FGF14: variants seen among roughly 807,000 people sequenced by gnomAD.
FGF14 encodes fibroblast growth factor 14, also known as fibroblast growth factor homologous factor 4.
A neutral mutation model predicts 25.5 loss-of-function variants in FGF14; 5 were observed. The observed-to-expected ratio is 0.20, with a 90% CI of 0.10 to 0.41. FGF14 has a LOEUF of 0.41. Among genes scored for constraint, FGF14 ranks in the 10% least tolerant of loss-of-function variants. The pLI is 1.00. For synonymous variants in FGF14, 138 were observed against 118.3 expected, an observed-to-expected ratio of 1.17 and a Z score of -1.08; for missense variants, 222 against 320.1, an observed-to-expected ratio of 0.69 and a Z score of 2.34.
At chr13:102,348,657 A>G (rs758854519) in intron 1 of FGF14, among the ~76,000 whole-genome samples, 1 of 152,214 alleles carries the variant, frequency 6.6e-6, no homozygotes, top group African/African-American at 2.4e-5. Flanking sequence ...TTTGCAATGC[A>G]TCAGCATCAC....
chr13:101,777,748 G>A (rs956387884), intron 3 of FGF14, among the ~76,000 whole-genome samples: 1 of 152,164 alleles, frequency 6.6e-6, no homozygotes, highest in African/African-American at 2.4e-5. Context: ...GATCACCCGA[G>A]GTCAGGAGTT....
intron 1 of FGF14, among the ~76,000 whole-genome samples, chr13:102,360,534 C>T (rs2139035079): frequency 6.6e-6 from 1 of 151,998 alleles, no homozygotes; most frequent in Admixed American, 6.6e-5. Context: ...AAATAGTATC[C>T]CATGCAGTAC....
At chr13:102,288,527 AT>A (rs1454118067) in intron 1 of FGF14, among the ~76,000 whole-genome samples, 3 of 151,974 alleles carry the variant, frequency 2.0e-5, no homozygotes, top group African/African-American at 7.2e-5. Flanking sequence ...CATTTCCTAT[AT>A]TTTTATATAT....
intron 3 of FGF14, among the ~76,000 whole-genome samples, chr13:101,820,769 CACCACACACCACACACACA>C (rs1217564835): frequency 1.3e-5 from 1 of 76,792 alleles, no homozygotes. Context: ...TACACACACA[CACCACACACCACACACACA>C]CACACACACA....
intron 1 of FGF14, among the ~76,000 whole-genome samples, chr13:101,937,807 C>T (rs1023045753): frequency 6.6e-6 from 1 of 152,224 alleles, no homozygotes; most frequent in Non-Finnish European, 1.5e-5. Flanking sequence ...ACCATGTTGG[C>T]CAGGCTGGTC....
intron 1 of FGF14, among the ~76,000 whole-genome samples, chr13:101,899,118 G>A (rs1365661791): frequency 7.9e-5 from 12 of 151,972 alleles, no homozygotes; most frequent in Non-Finnish European, 1.5e-4. Flanking sequence ...AAATAGACAA[G>A]CTAGCACACA....
At chr13:101,847,508 T>C (rs1208352595) in intron 3 of FGF14, among the ~76,000 whole-genome samples, 1 of 152,152 alleles carries the variant, frequency 6.6e-6, no homozygotes, top group East Asian at 1.9e-4. Context: ...CATCTTTCTT[T>C]TTGTTATGAA....
chr13:101,955,282 T>G (rs2036443088), intron 1 of FGF14, among the ~76,000 whole-genome samples: 1 of 152,168 alleles, frequency 6.6e-6, no homozygotes, highest in Non-Finnish European at 1.5e-5. Context: ...GCAATTTCCT[T>G]TAAATCGTTC....
intron 1 of FGF14, among the ~76,000 whole-genome samples, chr13:101,969,297 C>T (rs1037802581): frequency 2.6e-5 from 4 of 152,210 alleles, no homozygotes; most frequent in Admixed American, 6.5e-5. Flanking sequence ...GGTGCAGTGG[C>T]TCACGCCTGT....
rs576655652 is a variant in FGF14, at chr13:101,851,178, T to C, written c.408+17547A>G. Among the ~76,000 whole-genome samples, 4 of 152,046 alleles carry C rather than the reference T, an allele frequency of 2.6e-5. No homozygotes were observed. The South Asian group carries it at 8.3e-4, about 32-fold the overall frequency. On this transcript the variant is annotated intron_variant, in intron 3 of 4. Coordinates refer to ENST00000376143, the MANE Select transcript of FGF14 (RefSeq NM_004115.4). Reference sequence around the variant, plus strand: ...TAATCCAATATGTCTGGTGTCTTTATAAAGAGGGACAATGAACACAGAGAC... The same window carrying C: ...TAATCCAATATGTCTGGTGTCTTTACAAAGAGGGACAATGAACACAGAGAC...
At chr13:101,946,809 G>C (rs1487922279) in intron 1 of FGF14, among the ~76,000 whole-genome samples, 2 of 152,220 alleles carry the variant, frequency 1.3e-5, no homozygotes, top group Non-Finnish European at 2.9e-5. Flanking sequence ...GATTACATTA[G>C]ATAAATTCAA....
intron 3 of FGF14, among the ~76,000 whole-genome samples, chr13:101,731,155 A>G (rs895811742): frequency 6.6e-6 from 1 of 152,200 alleles, no homozygotes; most frequent in Admixed American, 6.5e-5. Context: ...TTGCTTCTCA[A>G]GGCAGTCCTA....
intron 1 of FGF14, among the ~76,000 whole-genome samples, chr13:101,975,523 A>T (rs760618712): frequency 6.6e-6 from 1 of 152,166 alleles, no homozygotes. Context: ...ATGACATTGC[A>T]ACTCCCTCTG....
intron 1 of FGF14, among the ~76,000 whole-genome samples, chr13:102,125,351 A>G (rs1202763917): frequency 6.6e-6 from 1 of 152,208 alleles, no homozygotes; most frequent in Admixed American, 6.5e-5. Flanking sequence ...AAACATAGAA[A>G]ACCGTAAGAG....
chr13:102,303,188 G>A (rs1331720553), intron 1 of FGF14, among the ~76,000 whole-genome samples: 2 of 152,084 alleles, frequency 1.3e-5, no homozygotes, highest in African/African-American at 4.8e-5. Flanking sequence ...GTGTTCCCCA[G>A]ACACCTGTAT....
At chr13:101,864,371 G>A (rs751466508) in intron 3 of FGF14, among the ~76,000 whole-genome samples, 1 of 152,076 alleles carries the variant, frequency 6.6e-6, no homozygotes, top group African/African-American at 2.4e-5. Flanking sequence ...TTGGTCTAAC[G>A]TTATCACCGT....
intron 1 of FGF14, among the ~76,000 whole-genome samples, chr13:102,198,375 AAC>A (rs1383906813): frequency 3.3e-5 from 5 of 152,224 alleles, no homozygotes; most frequent in African/African-American, 1.2e-4. Context: ...TGCCAAATAT[AAC>A]ACATTAATTT....
At chr13:101,771,010 A>C (rs1249887961) in intron 3 of FGF14, among the ~76,000 whole-genome samples, 2 of 152,112 alleles carry the variant, frequency 1.3e-5, no homozygotes, top group Admixed American at 1.3e-4. Flanking sequence ...ACTATACTAA[A>C]TTAAATTAAA....
At chr13:102,348,833 C>A (rs1450302726) in intron 1 of FGF14, among the ~76,000 whole-genome samples, 1 of 152,176 alleles carries the variant, frequency 6.6e-6, no homozygotes, top group Non-Finnish European at 1.5e-5. Context: ...GACACGGGAC[C>A]ACTTTTCTTT....
Sources: gnomAD v4.1 joint callset for allele counts (sites outside exome capture counted in the v4.1 genomes callset) on GRCh38, gnomAD v4.1.1 for gene constraint, MANE v1.5 for transcripts, NCBI Gene and HGNC (gene_info 2026-07-23, HGNC 2026-07-21) for gene names.